The following FAM185A variants were observed in gnomAD, a reference collection of about 807,000 sequenced individuals.
FAM185A encodes family with sequence similarity 185 member A.
Under a neutral mutation model 45.7 loss-of-function variants are expected in FAM185A, and 21 were observed. That is an observed-to-expected ratio of 0.46 (90% CI 0.33 to 0.66). FAM185A has a LOEUF of 0.66. Among genes scored for constraint, FAM185A ranks in the 30% least tolerant of loss-of-function variants. The probability of loss-of-function intolerance (pLI) is 0.03; values close to 1 mark genes in which losing one functional copy is unlikely to be tolerated. For missense variants in FAM185A, 305 were observed against 485.4 expected, an observed-to-expected ratio of 0.63 and a Z score of 3.49; for synonymous variants, 117 against 194.0, an observed-to-expected ratio of 0.60 and a Z score of 3.30.
intron 4 of FAM185A, among the ~76,000 whole-genome samples, chr7:102,766,468 T>A (rs1220719279): frequency 6.6e-6 from 1 of 152,054 alleles, no homozygotes; most frequent in Admixed American, 6.5e-5. Context: ...ACAATTTACA[T>A]GAACTGTACA....
intron 1 of FAM185A, among the ~76,000 whole-genome samples, chr7:102,750,546 T>C (rs1292165651): frequency 6.6e-6 from 1 of 152,184 alleles, no homozygotes; most frequent in Admixed American, 6.5e-5. Flanking sequence ...TTTATTACAG[T>C]ATATTGTTAT....
the FAM185A span, among the ~76,000 whole-genome samples, chr7:102,833,676 C>T: frequency 6.6e-6 from 1 of 151,656 alleles, no homozygotes. Flanking sequence ...AAGTGATCCA[C>T]CCTCCCAAAG....
At chr7:102,825,687 C>G in the FAM185A span, among the ~76,000 whole-genome samples, 1 of 152,068 alleles carries the variant, frequency 6.6e-6, no homozygotes, top group Admixed American at 6.6e-5. Flanking sequence ...TTTCACTGAC[C>G]CCCTGCCAAC....
the FAM185A span, among the ~76,000 whole-genome samples, chr7:102,818,603 C>T: frequency 6.6e-6 from 1 of 152,116 alleles, no homozygotes; most frequent in East Asian, 1.9e-4. Flanking sequence ...CCTAGAATGC[C>T]TGAGCAGTAG....
At chr7:102,763,592 C>G (rs1004921978) in intron 4 of FAM185A, among the ~76,000 whole-genome samples, 2 of 152,164 alleles carry the variant, frequency 1.3e-5, no homozygotes, top group African/African-American at 4.8e-5. Flanking sequence ...GTGAGAGGAG[C>G]TGGACGTTTA....
chr7:102,780,974 AT>A (rs1273353401), intron 6 of FAM185A, among the ~76,000 whole-genome samples: 1 of 152,158 alleles, frequency 6.6e-6, no homozygotes, highest in Non-Finnish European at 1.5e-5. Flanking sequence ...AATACTGCTT[AT>A]TTCCAATGGT....
At chr7:102,775,746 G>C (rs1195950126) in intron 5 of FAM185A, among the ~76,000 whole-genome samples, 1 of 151,930 alleles carries the variant, frequency 6.6e-6, no homozygotes, top group Admixed American at 6.6e-5. Context: ...TACACACCTT[G>C]TGTATTACAC....
At chr7:102,751,298 T>C (rs1030563452) in intron 1 of FAM185A, among the ~76,000 whole-genome samples, 6 of 152,218 alleles carry the variant, frequency 3.9e-5, no homozygotes, top group Non-Finnish European at 7.3e-5. Context: ...ACCTGTGATA[T>C]AGTTGCATGG....
chr7:102,764,790 A>C (rs1234148851), intron 4 of FAM185A, among the ~76,000 whole-genome samples: 4 of 151,644 alleles, frequency 2.6e-5, no homozygotes, highest in Admixed American at 6.6e-5. Flanking sequence ...CTTTTTTCTT[A>C]AGCAAGGCTT....
At chr7:102,751,609 T>G (rs955163439) in intron 1 of FAM185A, 83 bp from the exon 2 acceptor site, 1 of 1,440,202 alleles carries the variant, frequency 6.9e-7, no homozygotes, top group African/African-American at 1.5e-5. Flanking sequence ...CGGACATAAC[T>G]GAGGAGTTGG....
rs1794233928 is a variant in FAM185A, at chr7:102,763,780, T to C, written c.793+2369T>C. 3.3e-5 allele frequency among the ~76,000 whole-genome samples: 5 copies of C among 152,358 alleles called. No individual in the cohort carries two copies. The Middle Eastern group carries it at 0.01, about 311-fold the overall frequency. The stretch of plus-strand genomic sequence containing the variant: ...TATGATGTGGGATCTGGATGAGGAA[T>C]ATAGCATCTACTACAGTTATATTTA... On this transcript the variant is annotated intron_variant, in intron 4 of 7. Coordinates refer to ENST00000413034, the MANE Select transcript of FAM185A (RefSeq NM_001145268.2).
chr7:102,768,796 T>C (rs1047094101), intron 4 of FAM185A, among the ~76,000 whole-genome samples: 4 of 152,184 alleles, frequency 2.6e-5, no homozygotes, highest in African/African-American at 9.6e-5. Flanking sequence ...TTATATAACT[T>C]GAGAGTAGGG....
intron 4 of FAM185A, among the ~76,000 whole-genome samples, chr7:102,771,729 A>G (rs1794754301): frequency 6.6e-6 from 1 of 152,226 alleles, no homozygotes; most frequent in African/African-American, 2.4e-5. Flanking sequence ...GATTCTAGGA[A>G]TACTTACACA....
chr7:102,823,964 A>C, the FAM185A span, among the ~76,000 whole-genome samples: 1 of 152,212 alleles, frequency 6.6e-6, no homozygotes, highest in Non-Finnish European at 1.5e-5. Flanking sequence ...AGAAAAAAAA[A>C]GGCCCACAGA....
chr7:102,762,096 A>G (rs1394650183), intron 4 of FAM185A, among the ~76,000 whole-genome samples: 1 of 152,222 alleles, frequency 6.6e-6, no homozygotes, highest in East Asian at 1.9e-4. Context: ...GGTTAAATTA[A>G]TGAAACATTT....
chr7:102,760,104 G>A (rs1168535893), intron 3 of FAM185A, among the ~76,000 whole-genome samples: 4 of 152,042 alleles, frequency 2.6e-5, no homozygotes, highest in East Asian at 1.9e-4. Context: ...AACCCATTTC[G>A]TCTATTTGGT....
chr7:102,766,645 G>C (rs556643006), intron 4 of FAM185A, among the ~76,000 whole-genome samples: 1 of 151,884 alleles, frequency 6.6e-6, no homozygotes, highest in Admixed American at 6.5e-5. Flanking sequence ...GGATTAAATA[G>C]ATCTTTTCAT....
chr7:102,822,197 C>T, the FAM185A span: 1 of 1,614,056 alleles, frequency 6.2e-7, no homozygotes, highest in African/African-American at 1.3e-5. Flanking sequence ...ATTGCTGAGT[C>T]AGTAATCTGA....
At chr7:102,777,410 G>A (rs1013939003) in intron 6 of FAM185A, 62 bp downstream of exon 6, 24 of 1,059,888 alleles carry the variant, frequency 2.3e-5, no homozygotes, top group African/African-American at 1.3e-4. Flanking sequence ...GTAACACTCA[G>A]GAAACAGATG....
Sources: gnomAD v4.1 joint callset for allele counts (sites outside exome capture counted in the v4.1 genomes callset) on GRCh38, gnomAD v4.1.1 for gene constraint, MANE v1.5 for transcripts, NCBI Gene and HGNC (gene_info 2026-07-23, HGNC 2026-07-21) for gene names.